The following PCGF6 variants were observed in gnomAD, a reference collection of about 807,000 sequenced individuals.
PCGF6 encodes the protein polycomb group ring finger 6, also known as polycomb group RING finger protein 6.
PCGF6 carries 24 observed loss-of-function variants against 45.5 expected under a neutral mutation model. That is an observed-to-expected ratio of 0.53 (90% CI 0.38 to 0.74). The LOEUF (loss-of-function observed/expected upper bound fraction) is 0.74, where lower values mean the gene tolerates loss of function less well. Among genes scored for constraint, PCGF6 ranks in the 30% least tolerant of loss-of-function variants. The pLI, the probability that PCGF6 is intolerant of heterozygous loss-of-function variation, is 0.00. For synonymous variants in PCGF6, 152 were observed against 162.1 expected (o/e 0.94, Z 0.47); for missense variants, 356 against 443.2 (o/e 0.80, Z 1.77).
intron 7 of PCGF6, among the ~76,000 whole-genome samples, chr10:103,333,023 G>C (rs2093245700): frequency 6.6e-6 from 1 of 151,520 alleles, no homozygotes; most frequent in Non-Finnish European, 1.5e-5. Context: ...CTGAGGCTGG[G>C]TTCAAGAATT....
intron 6 of PCGF6, among the ~76,000 whole-genome samples, chr10:103,339,479 C>T (rs1421925582): frequency 6.6e-6 from 1 of 150,858 alleles, no homozygotes; most frequent in Non-Finnish European, 1.5e-5. Context: ...TTTTTATTTA[C>T]ACAGGAGGAC....
chr10:103,341,668 T>C (rs1284402340), intron 6 of PCGF6, among the ~76,000 whole-genome samples: 1 of 151,850 alleles, frequency 6.6e-6, no homozygotes, highest in East Asian at 1.9e-4. Context: ...GGTCTCGAAC[T>C]CTTGATGTCA....
At chr10:103,304,224 C>A (rs2093129515) in intron 9 of PCGF6, among the ~76,000 whole-genome samples, 1 of 151,604 alleles carries the variant, frequency 6.6e-6, no homozygotes, top group Non-Finnish European at 1.5e-5. Flanking sequence ...GCAACCTCTG[C>A]CTCCCAGGTT....
At position 103,303,119 on chromosome 10, in the gene PCGF6, C is replaced by T. The variant is rs1219928828; in HGVS notation, c.*786G>A. On this transcript the variant is annotated 3_prime_UTR_variant, in exon 10 of 10. Transcript: ENST00000369847. Reference sequence around the variant, plus strand: ...AATGAATAAGTAATTCTGTAAACTTCTCAAATTCTCCTAAAATTTTTTATT... The same window carrying T: ...AATGAATAAGTAATTCTGTAAACTTTTCAAATTCTCCTAAAATTTTTTATT... 6.6e-6 allele frequency: 1 copy of T among 152,588 alleles called. No individual in the cohort carries two copies. Among genetic ancestry groups the T allele is most frequent in the East Asian group, 1.9e-4 (1 of 5,204 alleles). 9.5% of individuals were successfully genotyped at this position (152,588 alleles called of 1,614,324 possible).
In PCGF6 at chr10:103,334,551, AATCATAATCAAT is replaced by A. The variant is rs1485157394; in HGVS notation, c.783-611_783-600del. Among the ~76,000 whole-genome samples, 9 of 152,246 alleles carry A rather than the reference AATCATAATCAAT, an allele frequency of 5.9e-5. No homozygotes were observed. In the East Asian group the frequency reaches 1.5e-3, roughly 26 times the overall value. ...TAGTCTAATTTCATATTTTTCTTTT[AATCATAATCAAT>A]GTGATTTTCCTCTCTATAGTAACAT... On this transcript the variant is annotated intron_variant, in intron 6 of 9. Coordinates refer to ENST00000369847, the MANE Select transcript of PCGF6 (RefSeq NM_001011663.2).
chr10:103,314,978 A>T (rs2093169609), intron 8 of PCGF6, among the ~76,000 whole-genome samples: 1 of 151,632 alleles, frequency 6.6e-6, no homozygotes, highest in African/African-American at 2.4e-5. Flanking sequence ...AAAAAAAAAA[A>T]AAAATCATTA....
At chr10:103,345,347 G>A (rs1377398536) in intron 5 of PCGF6, among the ~76,000 whole-genome samples, 1 of 152,152 alleles carries the variant, frequency 6.6e-6, no homozygotes, top group Non-Finnish European at 1.5e-5. Context: ...CAGACATGTG[G>A]CTGGCTTATT....
intron 9 of PCGF6, among the ~76,000 whole-genome samples, chr10:103,307,318 A>G (rs2093141352): frequency 6.6e-6 from 1 of 151,318 alleles, no homozygotes; most frequent in Admixed American, 6.6e-5. Flanking sequence ...CACCTCTGGT[A>G]ACCAGCCACA....
chr10:103,307,360 C>T (rs2093141455), intron 9 of PCGF6, among the ~76,000 whole-genome samples: 1 of 151,926 alleles, frequency 6.6e-6, no homozygotes, highest in South Asian at 2.1e-4. Flanking sequence ...TTGCTTGAGC[C>T]CAGGAGGTTG....
intron 7 of PCGF6, among the ~76,000 whole-genome samples, chr10:103,328,605 A>G (rs1244648561): frequency 7.2e-5 from 11 of 152,150 alleles, no homozygotes; most frequent in Admixed American, 7.2e-4. Flanking sequence ...GCTTCATACA[A>G]TTATCATGAA....
intron 1 of PCGF6, among the ~76,000 whole-genome samples, chr10:103,349,843 G>A (rs1405988774): frequency 2.0e-5 from 3 of 150,916 alleles, no homozygotes; most frequent in African/African-American, 7.3e-5. Context: ...AGCACTTTGG[G>A]AGGCCGAGGC....
chr10:103,314,689 C>T (rs1330225661), intron 8 of PCGF6, among the ~76,000 whole-genome samples: 1 of 152,144 alleles, frequency 6.6e-6, no homozygotes, highest in Non-Finnish European at 1.5e-5. Context: ...GTGGCTCACG[C>T]CTGTAATCCC....
At chr10:103,347,194 A>G in intron 5 of PCGF6, 44 bp downstream of exon 5, 3 of 1,431,810 alleles carry the variant, frequency 2.1e-6, no homozygotes, top group South Asian at 1.2e-5. Context: ...TATTGTTAGT[A>G]TTCTTTAATC....
intron 8 of PCGF6, among the ~76,000 whole-genome samples, chr10:103,318,021 T>G (rs1188764377): frequency 6.6e-6 from 1 of 151,044 alleles, no homozygotes; most frequent in Non-Finnish European, 1.5e-5. Flanking sequence ...CCTCCCAAAG[T>G]GCTGGGATTA....
Position 103,347,428 on chromosome 10 carries a change from T to A in PCGF6, c.580A>T (p.Ile194Leu). Residue 194 changes from isoleucine to leucine, a missense_variant, in exon 4 of 10, where the codon ATA becomes TTA. By Grantham distance (5) the Ile-to-Leu change is conservative. Coordinates refer to ENST00000369847, the MANE Select transcript of PCGF6 (RefSeq NM_001011663.2). ...AGATTGATCACTAATTTGTACACTATGTCTTGTAACTGTCGGTCCAACCTA... is the reference window on the plus strand; with the variant it reads ...AGATTGATCACTAATTTGTACACTAAGTCTTGTAACTGTCGGTCCAACCTA... ...NIRLDRQLQD[I>L]VYKLVINLEE... 1 of 1,608,038 alleles carries A rather than the reference T, an allele frequency of 6.2e-7. No homozygotes were observed. The highest frequency in any genetic ancestry group is 8.5e-7 in the Non-Finnish European group (1 of 1,175,504).
intron 8 of PCGF6, among the ~76,000 whole-genome samples, chr10:103,320,602 G>A (rs998013634): frequency 2.0e-5 from 3 of 151,986 alleles, no homozygotes; most frequent in Non-Finnish European, 2.9e-5. Context: ...CAGGATAATC[G>A]CTTGAACCCA....
At chr10:103,309,364 T>C (rs998289357) in intron 9 of PCGF6, among the ~76,000 whole-genome samples, 34 of 152,190 alleles carry the variant, frequency 2.2e-4, no homozygotes, top group Admixed American at 1.2e-3. Context: ...CCTTTGGTAA[T>C]GTCCTCACAA....
In PCGF6 at chr10:103,350,839, G is replaced by A. The variant is rs771781093; in HGVS notation, c.228C>T (p.Arg76=). 41 of 1,545,466 alleles carry A rather than the reference G, an allele frequency of 2.7e-5. No homozygotes were observed. The highest frequency in any genetic ancestry group is 3.4e-5 in the Non-Finnish European group (39 of 1,145,080). The change falls in exon 1 of 10, where the codon CGC becomes CGT. Residue 76 remains arginine (R), a synonymous_variant. Transcript: ENST00000369847. ...CCAACTCCTCGTCCTCGTCCTCGAA[G>A]CGGCCTCTGAAGCGGCCCAGGCTGC... ...PERSLGRFRG[R]FEDEDEELEE... is the part of the protein sequence containing the mutation.
At chr10:103,345,816 G>T (rs2093296885) in intron 5 of PCGF6, among the ~76,000 whole-genome samples, 1 of 146,796 alleles carries the variant, frequency 6.8e-6, no homozygotes, top group South Asian at 2.2e-4. Context: ...TGACAAGAGA[G>T]AAACTCTGTC....
Sources: allele counts gnomAD v4.1 joint callset (sites outside exome capture counted in the v4.1 genomes callset), GRCh38; gene constraint gnomAD v4.1.1; transcripts MANE v1.5; gene names NCBI Gene and HGNC (gene_info 2026-07-23, HGNC 2026-07-21).